PCDH15: variants seen among roughly 807,000 people sequenced by gnomAD.
The protein encoded by PCDH15 is protocadherin-15.
In PCDH15, 129 loss-of-function variants were observed where a neutral mutation model predicts 178.5. That is an observed-to-expected ratio of 0.72 (90% confidence interval 0.63 to 0.84). The LOEUF is 0.84. PCDH15 is among the 40% of genes least tolerant of loss of function. The pLI is 0.00. For missense variants in PCDH15, 2,230 were observed against 2,099.9 expected (o/e 1.06, Z -1.21); for synonymous variants, 800 against 732.0 (o/e 1.09, Z -1.50).
intron 2 of PCDH15, among the ~76,000 whole-genome samples, chr10:55,384,888 C>T (rs1208639456): frequency 2.0e-5 from 3 of 151,972 alleles, no homozygotes; most frequent in Non-Finnish European, 2.9e-5. Flanking sequence ...AATTTACTAA[C>T]AAGCACAATT....
chr10:54,777,007 A>G (rs1269287116), intron 1 of PCDH15, among the ~76,000 whole-genome samples: 2 of 152,180 alleles, frequency 1.3e-5, no homozygotes, highest in Non-Finnish European at 2.9e-5. Context: ...TTATAGTATA[A>G]TGTGAATCCT....
chr10:53,933,145 AC>A (rs2085230237), intron 25 of PCDH15, among the ~76,000 whole-genome samples: 1 of 151,794 alleles, frequency 6.6e-6, no homozygotes, highest in South Asian at 2.1e-4. Flanking sequence ...TTTAGAAATT[AC>A]CCAGTCTCAG....
chr10:55,299,481 C>T (rs548687111), intron 1 of PCDH15, among the ~76,000 whole-genome samples: 197 of 152,170 alleles, frequency 1.3e-3, no homozygotes, highest in Middle Eastern at 3.4e-3. Flanking sequence ...CAGTGTTGAC[C>T]TGGTTAATAG....
intron 18 of PCDH15, among the ~76,000 whole-genome samples, chr10:54,058,760 C>T (rs2093954282): frequency 6.6e-6 from 1 of 151,354 alleles, no homozygotes; most frequent in African/African-American, 2.4e-5. Context: ...GTGGTGCAAT[C>T]TCAACTCACT....
chr10:55,241,217 A>AAAAC (rs765139710), intron 1 of PCDH15, among the ~76,000 whole-genome samples: 7 of 152,286 alleles, frequency 4.6e-5, no homozygotes, highest in Admixed American at 2.0e-4. Flanking sequence ...CTCCATGTCA[A>AAAAC]AAACAAACAA....
chr10:54,709,194 C>T (rs1288853815), intron 1 of PCDH15, among the ~76,000 whole-genome samples: 4 of 152,086 alleles, frequency 2.6e-5, no homozygotes, highest in Non-Finnish European at 4.4e-5. Context: ...TGCTCAAGCA[C>T]TGAAACAAGA....
intron 1 of PCDH15, among the ~76,000 whole-genome samples, chr10:55,212,680 G>C (rs781345924): frequency 6.6e-6 from 1 of 152,030 alleles, no homozygotes; most frequent in Admixed American, 6.6e-5. Flanking sequence ...TAGATTCCGG[G>C]AAGCTCTGGG....
At chr10:55,468,082 A>G (rs965173975) in intron 2 of PCDH15, among the ~76,000 whole-genome samples, 9 of 151,758 alleles carry the variant, frequency 5.9e-5, no homozygotes, top group African/African-American at 2.2e-4. Flanking sequence ...ATAAATGTGG[A>G]TATTTGTGAA....
chr10:54,146,415 T>C (rs906305590), intron 14 of PCDH15, among the ~76,000 whole-genome samples: 1 of 151,878 alleles, frequency 6.6e-6, no homozygotes, highest in Non-Finnish European at 1.5e-5. Flanking sequence ...TATTATCTAA[T>C]TATCAAACAG....
At chr10:55,068,769 T>TTG (rs71014445) in intron 2 of PCDH15, among the ~76,000 whole-genome samples, 70,172 of 150,768 alleles carry the variant, frequency 0.47, 17,394 homozygotes, top group East Asian at 0.74. Context: ...TCTTTCATCA[T>TTG]TGTGTGTGTG....
At chr10:55,284,119 G>C (rs1459458656) in intron 1 of PCDH15, among the ~76,000 whole-genome samples, 5 of 152,044 alleles carry the variant, frequency 3.3e-5, no homozygotes, top group African/African-American at 9.7e-5. Context: ...ACATAATACA[G>C]ACTGCTGTCT....
intron 2 of PCDH15, among the ~76,000 whole-genome samples, chr10:54,968,938 G>A (rs1838864003): frequency 6.6e-6 from 1 of 151,790 alleles, no homozygotes; most frequent in Admixed American, 6.6e-5. Context: ...TTTCATATTA[G>A]ACATTGCATT....
chr10:55,582,616 A>ATTT (rs1247006513), intron 2 of PCDH15, among the ~76,000 whole-genome samples: 17 of 88,956 alleles, frequency 1.9e-4, no homozygotes, highest in African/African-American at 8.7e-4. Flanking sequence ...ATATATATAT[A>ATTT]TATATATATA....
chr10:53,813,779 A>T (rs1057344107), intron 35 of PCDH15, among the ~76,000 whole-genome samples: 2 of 152,180 alleles, frequency 1.3e-5, no homozygotes, highest in Non-Finnish European at 2.9e-5. Flanking sequence ...TACCAACGAA[A>T]TATATTATAT....
At chr10:54,463,923 C>T (rs1234452151) in intron 3 of PCDH15, among the ~76,000 whole-genome samples, 3 of 152,050 alleles carry the variant, frequency 2.0e-5, no homozygotes, top group Admixed American at 1.3e-4. Context: ...ACAGAGAAAA[C>T]AACATGTGTG....
intron 3 of PCDH15, among the ~76,000 whole-genome samples, chr10:54,419,069 G>T (rs1954857684): frequency 6.6e-6 from 1 of 151,728 alleles, no homozygotes. Context: ...ATTAGAAAAG[G>T]TCAATACAAC....
chr10:54,499,469 G>T (rs1410602035), intron 3 of PCDH15, among the ~76,000 whole-genome samples: 2 of 151,992 alleles, frequency 1.3e-5, no homozygotes, highest in Non-Finnish European at 2.9e-5. Flanking sequence ...TATACCAACT[G>T]CCCTCTCAGA....
At position 54,545,679 on chromosome 10, in the gene PCDH15, A is replaced by G. The variant is rs1228891417; in HGVS notation, c.92-17802T>C. The stretch of plus-strand genomic sequence containing the variant: ...TTTACTTTGGGATCTATAGCAATAT[A>G]GAGATAATTAAAGAAGTATATATTG... On this transcript the variant is annotated intron_variant, in intron 2 of 37. Coordinates refer to ENST00000644397, the MANE Select transcript of PCDH15 (RefSeq NM_001384140.1). Among the ~76,000 whole-genome samples the G allele has an allele frequency of 2.0e-5, 3 of 152,172 alleles. No homozygotes were observed. The East Asian group carries it at 5.8e-4, about 29-fold the overall frequency.
At chr10:55,205,142 G>C (rs540795396) in intron 1 of PCDH15, among the ~76,000 whole-genome samples, 25 of 151,924 alleles carry the variant, frequency 1.6e-4, no homozygotes, top group Admixed American at 3.9e-4. Context: ...TGATAGAGAA[G>C]TGATAAAAAT....
Sources: gnomAD v4.1 joint callset for allele counts (sites outside exome capture counted in the v4.1 genomes callset) on GRCh38, gnomAD v4.1.1 for gene constraint, MANE v1.5 for transcripts, NCBI Gene and HGNC (gene_info 2026-07-23, HGNC 2026-07-21) for gene names.